ATF2: variants seen among roughly 807,000 people sequenced by gnomAD.
ATF2 encodes the protein cyclic AMP-dependent transcription factor ATF-2.
A neutral mutation model predicts 60.6 loss-of-function variants in ATF2; 24 were observed. That is an observed-to-expected ratio of 0.40 (90% confidence interval 0.29 to 0.56). The LOEUF (loss-of-function observed/expected upper bound fraction) is 0.56, where lower values mean the gene tolerates loss of function less well. Among genes scored for constraint, ATF2 ranks in the 20% least tolerant of loss-of-function variants. The pLI, the probability that ATF2 is intolerant of heterozygous loss-of-function variation, is 0.54. For synonymous variants in ATF2, 206 were observed against 215.4 expected (o/e 0.96, Z 0.38); for missense variants, 433 against 607.7 (o/e 0.71, Z 3.02).
rs532138973 is a variant in ATF2, at chr2:175,151,044, G to A, written c.-44+16C>T. 3.3e-5 allele frequency: 5 copies of A among 152,612 alleles called. No homozygotes were observed. In the South Asian group the frequency reaches 1.0e-3, roughly 32 times the overall value. The allele number at this position is 152,612 out of a possible 1,614,324, so 9.5% of individuals were successfully genotyped here. A position where few individuals can be genotyped will look rare whatever the true frequency, so the allele number is the denominator to read the frequency against. ...TGAAAAGAATACTTTTATGTTAAAA[G>A]CTTAAAATCTCTTACCTTTCTAGCT... On this transcript the variant is annotated intron_variant, in intron 2 of 13. Coordinates refer to ENST00000264110, the MANE Select transcript of ATF2 (RefSeq NM_001880.4).
At chr2:175,108,310 C>G (rs550413897) in intron 10 of ATF2, among the ~76,000 whole-genome samples, 3 of 151,790 alleles carry the variant, frequency 2.0e-5, no homozygotes, top group African/African-American at 2.4e-5. Context: ...CCACCCCGTC[C>G]GGGAGGGAGG....
At chr2:175,125,758 T>A (rs186365155) in intron 4 of ATF2, among the ~76,000 whole-genome samples, 3 of 152,258 alleles carry the variant, frequency 2.0e-5, no homozygotes, top group Admixed American at 1.3e-4. Context: ...CACAAAATGC[T>A]GATATGTGTA....
chr2:175,117,970 T>C lies in ATF2; in HGVS notation c.447+20A>G, dbSNP rs138540500. The C allele has an allele frequency of 8.8e-6, 14 of 1,587,328 alleles. No homozygotes were observed. The African/African-American group carries it at 1.5e-4, about 17-fold the overall frequency. On this transcript the variant is annotated intron_variant, in intron 7 of 13. Coordinates refer to ENST00000264110, the MANE Select transcript of ATF2 (RefSeq NM_001880.4). ...GGTACTGTTCCTCCCCCTTACTTTG[T>C]ATTTCTAAAAATTTCTAACCTTCTC...
At chr2:175,110,469 A>G (rs947196316) in intron 10 of ATF2, among the ~76,000 whole-genome samples, 2 of 152,250 alleles carry the variant, frequency 1.3e-5, no homozygotes, top group Non-Finnish European at 2.9e-5. Context: ...TGATTTCCTA[A>G]GGATACATTA....
intron 11 of ATF2, among the ~76,000 whole-genome samples, chr2:175,096,547 T>C (rs552129716): frequency 7.2e-5 from 11 of 152,274 alleles, no homozygotes; most frequent in South Asian, 4.1e-4. Flanking sequence ...TGAGCAAATA[T>C]TAAAAGCAGA....
At chr2:175,108,249 C>T (rs1695856202) in intron 10 of ATF2, among the ~76,000 whole-genome samples, 1 of 151,822 alleles carries the variant, frequency 6.6e-6, no homozygotes, top group East Asian at 2.0e-4. Context: ...AGGAGCCCCT[C>T]CGCCCAGCAG....
chr2:175,156,257 G>C (rs952749450), intron 1 of ATF2, among the ~76,000 whole-genome samples: 1 of 151,630 alleles, frequency 6.6e-6, no homozygotes, highest in Non-Finnish European at 1.5e-5. Flanking sequence ...TGTAATCCCA[G>C]CTACTCGGGA....
intron 1 of ATF2, among the ~76,000 whole-genome samples, chr2:175,162,605 T>C (rs888696906): frequency 5.3e-5 from 8 of 152,268 alleles, no homozygotes; most frequent in African/African-American, 1.9e-4. Context: ...GTCAGGCATT[T>C]AGAACAAATT....
chr2:175,090,784 T>C (rs1011939477), intron 12 of ATF2, among the ~76,000 whole-genome samples: 3 of 152,148 alleles, frequency 2.0e-5, no homozygotes, highest in Admixed American at 1.3e-4. Flanking sequence ...TGATAAATCT[T>C]ATCTTTATTT....
chr2:175,107,153 C>T (rs1695728474), intron 10 of ATF2, among the ~76,000 whole-genome samples: 1 of 152,032 alleles, frequency 6.6e-6, no homozygotes, highest in East Asian at 1.9e-4. Context: ...AGAAAAACAA[C>T]ACAATTTTTT....
At chr2:175,122,114 T>TA (rs1425031657) in intron 4 of ATF2, among the ~76,000 whole-genome samples, 3 of 151,872 alleles carry the variant, frequency 2.0e-5, no homozygotes, top group East Asian at 1.9e-4. Flanking sequence ...CATTTTAAAA[T>TA]AAAAAAATTT....
chr2:175,158,769 G>T (rs1398698534), intron 1 of ATF2, among the ~76,000 whole-genome samples: 1 of 151,488 alleles, frequency 6.6e-6, no homozygotes, highest in Admixed American at 6.6e-5. Context: ...ATTTTAAATT[G>T]TATGATTACA....
chr2:175,085,128 T>C (rs1443444888), intron 12 of ATF2, among the ~76,000 whole-genome samples: 1 of 152,188 alleles, frequency 6.6e-6, no homozygotes, highest in African/African-American at 2.4e-5. Flanking sequence ...AAATGTCTTC[T>C]CTCTGAAACA....
rs61440218 is a variant in ATF2, at chr2:175,094,403, G to GAAAAAAAAAA, written c.979-1146_979-1137dup. On this transcript the variant is annotated intron_variant, in intron 11 of 13. Coordinates refer to ENST00000264110, the MANE Select transcript of ATF2 (RefSeq NM_001880.4). ...AGCGAGACTCAGTCTCAAAAAATAC[G>GAAAAAAAAAA]AAAAAAAAAAAAAAAAAAAAAAAAA... is the stretch of plus-strand genomic sequence containing the variant. Among the ~76,000 whole-genome samples, 225 of 61,144 alleles carry GAAAAAAAAAA rather than the reference G, an allele frequency of 3.7e-3. 2 individuals are homozygous for GAAAAAAAAAA. The highest frequency in any genetic ancestry group is 5.3e-3 in the East Asian group (7 of 1,328). 40.1% of individuals were successfully genotyped at this position (61,144 alleles called of 152,430 possible).
intron 10 of ATF2, 27 bp from the exon 11 acceptor site, chr2:175,097,620 T>G: frequency 6.2e-7 from 1 of 1,611,278 alleles, no homozygotes; most frequent in South Asian, 1.1e-5. Flanking sequence ...ATTAAAAATT[T>G]TTTTTAAGTC....
intron 2 of ATF2, among the ~76,000 whole-genome samples, chr2:175,148,443 TG>T (rs1224876061): frequency 6.6e-6 from 1 of 152,056 alleles, no homozygotes; most frequent in Non-Finnish European, 1.5e-5. Flanking sequence ...CTCTGATAGC[TG>T]AAGTGTGGGA....
chr2:175,130,517 G>A (rs1226524585), intron 3 of ATF2, among the ~76,000 whole-genome samples: 2 of 152,030 alleles, frequency 1.3e-5, no homozygotes, highest in Non-Finnish European at 2.9e-5. Context: ...AATTAAATGA[G>A]CAAATACTAT....
intron 2 of ATF2, among the ~76,000 whole-genome samples, chr2:175,149,906 T>C (rs1031129173): frequency 2.0e-5 from 3 of 152,244 alleles, no homozygotes; most frequent in African/African-American, 7.2e-5. Context: ...ACCCTCAAAT[T>C]TGGATCTCTC....
chr2:175,142,763 A>T (rs1323512583), intron 2 of ATF2, among the ~76,000 whole-genome samples: 1 of 149,602 alleles, frequency 6.7e-6, no homozygotes, highest in Non-Finnish European at 1.5e-5. Flanking sequence ...TCAATCTTAC[A>T]TAATTCTAAA....
Sources: gnomAD v4.1 joint callset for allele counts (sites outside exome capture counted in the v4.1 genomes callset) on GRCh38, gnomAD v4.1.1 for gene constraint, MANE v1.5 for transcripts, NCBI Gene and HGNC (gene_info 2026-07-23, HGNC 2026-07-21) for gene names.